Variants in TMEM14A observed in about 807,000 individuals in gnomAD.
The protein encoded by TMEM14A is transmembrane protein 14A.
TMEM14A carries 8 observed loss-of-function variants against 11.6 expected under a neutral mutation model. The ratio of observed to expected loss-of-function variants is 0.69; its 90% confidence interval spans 0.40 to 1.24. The LOEUF (loss-of-function observed/expected upper bound fraction) is 1.24. TMEM14A is among the 50% of genes most tolerant of loss of function. The pLI is 0.01. For missense variants in TMEM14A, 108 were observed against 121.9 expected, an observed-to-expected ratio of 0.89 and a Z score of 0.54; for synonymous variants, 34 against 45.5, an observed-to-expected ratio of 0.75 and a Z score of 1.02.
rs1185070708 is a variant in TMEM14A, at chr6:52,678,311, GTGTGTGTA to G, written c.70+1147_70+1154del. 1.2e-4 allele frequency among the ~76,000 whole-genome samples: 4 copies of G among 33,208 alleles called. No individual in the cohort carries two copies. The East Asian group carries it at 4.9e-3, about 40-fold the overall frequency. The allele number at this position is 33,208 out of a possible 152,430, so 21.8% of individuals were successfully genotyped here. Reference sequence around the variant, plus strand: ...GAAAGTGGGGAGAGAGATATAGAGAGTGTGTGTATGTGTGTGTTTGTGTGTGTGTGTGT... The same window carrying G: ...GAAAGTGGGGAGAGAGATATAGAGAGTGTGTGTGTTTGTGTGTGTGTGTGT... On this transcript the variant is annotated intron_variant, in intron 2 of 4. Transcript: ENST00000211314.
chr6:52,683,041 T>C (rs1159524717), intron 3 of TMEM14A, among the ~76,000 whole-genome samples: 2 of 152,218 alleles, frequency 1.3e-5, no homozygotes, highest in African/African-American at 4.8e-5. Context: ...TATATTCAGT[T>C]AACTGAACAT....
chr6:52,673,256 A>G (rs934007956), intron 1 of TMEM14A, among the ~76,000 whole-genome samples: 2 of 152,172 alleles, frequency 1.3e-5, no homozygotes, highest in Non-Finnish European at 2.9e-5. Flanking sequence ...TGCCCAACCC[A>G]GAGATTTATT....
chr6:52,679,455 A>T (rs1193637859), intron 2 of TMEM14A, among the ~76,000 whole-genome samples: 5 of 152,182 alleles, frequency 3.3e-5, no homozygotes, highest in African/African-American at 1.2e-4. Context: ...AGAGAGGTGC[A>T]GGTGTGCTTG....
At chr6:52,683,458 TCAA>T (rs569684284) in intron 3 of TMEM14A, among the ~76,000 whole-genome samples, 19 of 143,392 alleles carry the variant, frequency 1.3e-4, no homozygotes, top group Non-Finnish European at 1.8e-4. Flanking sequence ...AGACTCTGTC[TCAA>T]CAACAACAAC....
At chr6:52,685,936 G>T in intron 4 of TMEM14A, 74 bp from the exon 5 acceptor site, 1 of 1,444,096 alleles carries the variant, frequency 6.9e-7, no homozygotes, top group South Asian at 1.3e-5. Flanking sequence ...CTGGGTAGGC[G>T]AGTGCATGGC....
rs1769360469 is a variant in TMEM14A, at chr6:52,680,669, G to GTGTGTATATATATA, written c.71-1143_71-1142insGTGTATATATATAT. Among the ~76,000 whole-genome samples, 176 of 35,938 alleles carry GTGTGTATATATATA rather than the reference G, an allele frequency of 4.9e-3. 10 individuals are homozygous for GTGTGTATATATATA. Among genetic ancestry groups the GTGTGTATATATATA allele is most frequent in the Middle Eastern group, 0.016 (1 of 62 alleles). The allele number at this position is 35,938 out of a possible 152,430, so 23.6% of individuals were successfully genotyped here. Reference sequence around the variant, plus strand: ...TATATATGTGTGTGTATATATATGTGTATATATATATATACATATATGTAT... The same window carrying GTGTGTATATATATA: ...TATATATGTGTGTGTATATATATGTGTGTGTATATATATATATATATATATATACATATATGTAT... On this transcript the variant is annotated intron_variant, in intron 2 of 4. Transcript: ENST00000211314.
intron 1 of TMEM14A, among the ~76,000 whole-genome samples, chr6:52,676,356 A>C (rs1192369316): frequency 1.3e-5 from 2 of 152,130 alleles, no homozygotes; most frequent in Non-Finnish European, 2.9e-5. Context: ...GGGCTCAAGC[A>C]ATCCTCCCAA....
At chr6:52,679,864 G>A (rs1340631248) in intron 2 of TMEM14A, among the ~76,000 whole-genome samples, 1 of 151,384 alleles carries the variant, frequency 6.6e-6, no homozygotes, top group Non-Finnish European at 1.5e-5. Context: ...CGTGTTTGGT[G>A]GTGGTGGGGA....
At chr6:52,681,531 G>A (rs1371331497) in intron 2 of TMEM14A, among the ~76,000 whole-genome samples, 3 of 152,194 alleles carry the variant, frequency 2.0e-5, no homozygotes, top group Non-Finnish European at 4.4e-5. Flanking sequence ...CAGTGTCCAA[G>A]CCACCAGAAC....
intron 2 of TMEM14A, among the ~76,000 whole-genome samples, chr6:52,681,474 A>G (rs1769391146): frequency 6.6e-6 from 1 of 152,224 alleles, no homozygotes. Context: ...GAAAAATTAA[A>G]AAAGAAGGGC....
chr6:52,680,342 C>T (rs1272497564), intron 2 of TMEM14A, among the ~76,000 whole-genome samples: 1 of 151,544 alleles, frequency 6.6e-6, no homozygotes, highest in African/African-American at 2.4e-5. Flanking sequence ...GTCTGAAAGC[C>T]ATGACGAATA....
chr6:52,679,408 C>T (rs543498283), intron 2 of TMEM14A, among the ~76,000 whole-genome samples: 7 of 152,296 alleles, frequency 4.6e-5, no homozygotes, highest in African/African-American at 1.7e-4. Flanking sequence ...CTTCCTACTC[C>T]AGTTGAAGGG....
chr6:52,682,797 G>A (rs1439330041), intron 3 of TMEM14A, among the ~76,000 whole-genome samples: 1 of 151,806 alleles, frequency 6.6e-6, no homozygotes, highest in African/African-American at 2.4e-5. Flanking sequence ...TTAAATTGTG[G>A]CATTGATGTC....
In TMEM14A at chr6:52,679,057, C is replaced by T. The variant is rs374268400; in HGVS notation, c.70+1885C>T. On this transcript the variant is annotated intron_variant, in intron 2 of 4. Transcript: ENST00000211314. ...CTTGGGTCGGTGAAAGATGTGATGT[C>T]GAAATGGTGTTTAGTGGGAGGACAC... Among the ~76,000 whole-genome samples the T allele has an allele frequency of 5.3e-5, 8 of 152,252 alleles. No individual in the cohort carries two copies. The South Asian group carries it at 8.3e-4, about 16-fold the overall frequency.
chr6:52,676,103 T>C (rs1286937212), intron 1 of TMEM14A, among the ~76,000 whole-genome samples: 1 of 152,080 alleles, frequency 6.6e-6, no homozygotes, highest in Non-Finnish European at 1.5e-5. Flanking sequence ...AGCAGAAGTT[T>C]TATTTGGGTA....
chr6:52,680,708 C>CATATATGT (rs1554137490), intron 2 of TMEM14A, among the ~76,000 whole-genome samples: 9 of 21,542 alleles, frequency 4.2e-4, no homozygotes, highest in African/African-American at 5.9e-4. Context: ...TATATATACA[C>CATATATGT]ATATATATAT....
chr6:52,676,966 A>G (rs1581742696), intron 1 of TMEM14A, 121 bp from the exon 2 acceptor site: 2 of 875,940 alleles, frequency 2.3e-6, no homozygotes, highest in Admixed American at 2.1e-5. Context: ...CAGGATCACA[A>G]TTCAACATGA....
intron 4 of TMEM14A, 128 bp from the exon 5 acceptor site, chr6:52,685,882 G>A: frequency 1.5e-6 from 1 of 680,312 alleles, no homozygotes; most frequent in Non-Finnish European, 2.4e-6. Flanking sequence ...ATCCTCCAAG[G>A]GGTTGAGCTG....
chr6:52,680,704 T>TATACACATATATGTATATATATATAC (rs371102796), intron 2 of TMEM14A, among the ~76,000 whole-genome samples: 1 of 51,102 alleles, frequency 2.0e-5, no homozygotes, highest in African/African-American at 5.7e-5. Context: ...TATATATATA[T>TATACACATATATGTATATATATATAC]ACACATATAT....
Sources: gnomAD v4.1 joint callset for allele counts (sites outside exome capture counted in the v4.1 genomes callset) on GRCh38, gnomAD v4.1.1 for gene constraint, MANE v1.5 for transcripts, NCBI Gene and HGNC (gene_info 2026-07-23, HGNC 2026-07-21) for gene names.